The following RGSL1 variants were observed in gnomAD, a reference collection of about 807,000 sequenced individuals.
RGSL1 encodes regulator of G protein signaling protein-like.
RGSL1 carries 97 observed loss-of-function variants against 124.7 expected under a neutral mutation model. The observed-to-expected ratio is 0.78, with a 90% CI of 0.66 to 0.92. The LOEUF is 0.92. Ranked by LOEUF, RGSL1 falls within the 40% of genes least tolerant of loss-of-function variation. The pLI, the probability that RGSL1 is intolerant of heterozygous loss-of-function variation, is 0.00. For synonymous variants in RGSL1, 424 were observed against 438.1 expected (o/e 0.97, Z 0.40); for missense variants, 1,233 against 1,288.4 (o/e 0.96, Z 0.66).
At chr1:182,468,834 C>T (rs956639870) in intron 4 of RGSL1, among the ~76,000 whole-genome samples, 3 of 151,826 alleles carry the variant, frequency 2.0e-5, no homozygotes, top group East Asian at 3.8e-4. Context: ...TATGGAAAGA[C>T]AGAGTAGAAT....
chr1:182,526,823 A>C (rs181282427), intron 10 of RGSL1, among the ~76,000 whole-genome samples: 1 of 152,320 alleles, frequency 6.6e-6, no homozygotes, highest in Admixed American at 6.5e-5. Flanking sequence ...ATAAAATTAG[A>C]ATAGAAGGGA....
At chr1:182,533,661 C>T (rs376683850) in intron 14 of RGSL1, among the ~76,000 whole-genome samples, 6 of 152,140 alleles carry the variant, frequency 3.9e-5, no homozygotes, top group South Asian at 2.1e-4. Context: ...TCCATTTTCT[C>T]ATCTATAGAA....
intron 14 of RGSL1, 38 bp from the exon 15 acceptor site, chr1:182,540,209 T>G (rs1285142599): frequency 1.3e-6 from 2 of 1,512,226 alleles, no homozygotes; most frequent in Non-Finnish European, 1.8e-6. Flanking sequence ...AGTGACTTGA[T>G]CAAACAAAAT....
chr1:182,469,145 G>A (rs947426084), intron 4 of RGSL1, among the ~76,000 whole-genome samples: 2 of 152,044 alleles, frequency 1.3e-5, no homozygotes, highest in Non-Finnish European at 1.5e-5. Context: ...AGGAAAGGAA[G>A]AAGCAACAAC....
intron 9 of RGSL1, among the ~76,000 whole-genome samples, chr1:182,515,553 A>AAAG (rs546420833): frequency 4.6e-5 from 5 of 109,012 alleles, no homozygotes; most frequent in African/African-American, 1.0e-4. Context: ...AAAAAAAAAA[A>AAAG]GGGGGGGGCG....
Position 182,540,271 on chromosome 1 carries a change from C to G in RGSL1, c.2519C>G (p.Ser840Trp). Residue 840 changes from serine to tryptophan, a missense_variant, in exon 15 of 22, where the codon TCG (serine) becomes TGG (tryptophan). Transcript: ENST00000294854. ...KENFTTAHNT[S>W]GRSAPPSTNV... ...GATTTCACCACAGCACACAACACAT[C>G]GGGACGTTCAGCTCCACCCTCCACA... 1 of 1,550,592 alleles carries G rather than the reference C, an allele frequency of 6.4e-7. No individual in the cohort carries two copies. Among genetic ancestry groups the G allele is most frequent in the Middle Eastern group, 1.7e-4 (1 of 5,984 alleles).
Position 182,551,541 on chromosome 1 carries a change from C to T in RGSL1, c.3043+332C>T, listed in dbSNP as rs1028646791. On this transcript the variant is annotated intron_variant, in intron 18 of 21. Transcript: ENST00000294854. ...CCCTGCTCTATCTCCATTAAACCCT[C>T]CCATTAAGAAAGCATTTATTTTATA... Among the ~76,000 whole-genome samples, 17 of 152,288 alleles carry T rather than the reference C, an allele frequency of 1.1e-4. No homozygotes were observed. The South Asian group carries it at 3.5e-3, about 32-fold the overall frequency.
chr1:182,480,512 G>A (rs1190512584), intron 6 of RGSL1, among the ~76,000 whole-genome samples: 5 of 150,846 alleles, frequency 3.3e-5, no homozygotes, highest in Non-Finnish European at 7.4e-5. Context: ...CTGGAGTGCA[G>A]TGGCGCAATC....
chr1:182,549,072 A>G (rs945188364), intron 17 of RGSL1: 5 of 390,912 alleles, frequency 1.3e-5, no homozygotes, highest in African/African-American at 4.1e-5. Context: ...TCCTCTTTCT[A>G]TGCTTGCTTG....
rs376572577 is a variant in RGSL1, at chr1:182,460,184, G to GTGTGTGTA, written c.301+52_301+53insGTGTGTAT. 1.3e-5 allele frequency: 16 copies of GTGTGTGTA among 1,238,704 alleles called. No individual in the cohort carries two copies. The African/African-American group carries it at 2.4e-4, about 18-fold the overall frequency. The allele number at this position is 1,238,704 out of a possible 1,614,324, so 76.7% of individuals were successfully genotyped here. ...TCTGTGTGTGTGTGTGTGTGTGTGTGTAGAAATATAGGAAGTCACACTTCA... is the reference window on the plus strand; with the variant it reads ...TCTGTGTGTGTGTGTGTGTGTGTGTGTGTGTGTATAGAAATATAGGAAGTCACACTTCA... On this transcript the variant is annotated intron_variant, in intron 4 of 21. Transcript: ENST00000294854.
At chr1:182,540,160 C>G (rs1659799285) in intron 14 of RGSL1, 87 bp from the exon 15 acceptor site, 1 of 1,288,438 alleles carries the variant, frequency 7.8e-7, no homozygotes, top group Admixed American at 3.1e-5. Flanking sequence ...GATCCACAGT[C>G]TCCTTTCTTC....
chr1:182,556,177 G>A lies in RGSL1; in HGVS notation c.*120G>A. On this transcript the variant is annotated 3_prime_UTR_variant, in exon 21 of 22. Transcript: ENST00000294854. ...ATCTTCCCCAGAAACGATCAAGAAG[G>A]GCAATGGGTTGACAGCCCAGATATG... The A allele has an allele frequency of 9.9e-7, 1 of 1,006,554 alleles. No individual in the cohort carries two copies. Among genetic ancestry groups the A allele is most frequent in the Non-Finnish European group, 1.5e-6 (1 of 681,342 alleles). The allele number at this position is 1,006,554 out of a possible 1,614,324, so 62.4% of individuals were successfully genotyped here.
intron 9 of RGSL1, among the ~76,000 whole-genome samples, chr1:182,494,147 T>C (rs1655737023): frequency 6.6e-6 from 1 of 152,180 alleles, no homozygotes; most frequent in Admixed American, 6.5e-5. Context: ...CTGCTTCACT[T>C]GTCAACCTAT....
rs1651700101 is a variant in RGSL1 at position 182,450,189 on chromosome 1, G to A, written c.13+11G>A. 13 of 1,552,128 alleles carry A rather than the reference G, an allele frequency of 8.4e-6. No homozygotes were observed. The highest frequency in any genetic ancestry group is 1.1e-5 in the Non-Finnish European group (13 of 1,147,074). ...ACATGAGCAGTGCTGGTGAGTCTCT[G>A]CCAGGGATGTCTCCAAGGCCTTGAG... On this transcript the variant is annotated intron_variant, in intron 1 of 21. Coordinates refer to ENST00000294854, the MANE Select transcript of RGSL1 (RefSeq NM_001137669.2).
intron 9 of RGSL1, among the ~76,000 whole-genome samples, chr1:182,508,290 G>GT (rs58641894): frequency 0.49 from 26,684 of 54,116 alleles, 8,021 homozygotes; most frequent in Middle Eastern, 0.54. Context: ...TGGTGGTGGT[G>GT]TTTTTTTTTT....
chr1:182,497,228 A>T (rs530678), intron 9 of RGSL1, among the ~76,000 whole-genome samples: 120,031 of 146,606 alleles, frequency 0.82, 49,491 homozygotes, highest in Non-Finnish European at 0.87. Flanking sequence ...AAGAGATAGA[A>T]AGATAGATAG....
chr1:182,530,941 T>C (rs1359399472), intron 13 of RGSL1, 31 bp downstream of exon 13: 2 of 1,534,500 alleles, frequency 1.3e-6, no homozygotes, highest in African/African-American at 2.8e-5. Flanking sequence ...AACAAGACAT[T>C]AGAGACAAGA....
intron 10 of RGSL1, 104 bp downstream of exon 10, chr1:182,522,213 ACC>A: frequency 1.3e-6 from 1 of 766,916 alleles, no homozygotes; most frequent in East Asian, 2.7e-5. Flanking sequence ...AGGTTTTCAG[ACC>A]CTTTTCCATA....
rs969846431 is a variant in RGSL1 at position 182,473,887 on chromosome 1, T to G, written c.776T>G (p.Val259Gly). ...RKAKRKMWQL[V>G]DPDSWSLEMD... ...GCCAAGAGGAAGATGTGGCAATTGG[T>G]AGATCCTGACTCTTGGTCTCTGGAA... The change falls in exon 6 of 22, where the codon GTA becomes GGA. Residue 259 changes from valine to glycine, a missense_variant. Val to Gly is a moderately radical substitution (Grantham distance 109). Coordinates refer to ENST00000294854, the MANE Select transcript of RGSL1 (RefSeq NM_001137669.2). 6.4e-7 allele frequency: 1 copy of G among 1,551,760 alleles called. No individual in the cohort carries two copies. Among genetic ancestry groups the G allele is most frequent in the African/African-American group, 1.4e-5 (1 of 73,042 alleles).
Sources: allele counts gnomAD v4.1 joint callset (sites outside exome capture counted in the v4.1 genomes callset), GRCh38; gene constraint gnomAD v4.1.1; transcripts MANE v1.5; gene names NCBI Gene and HGNC (gene_info 2026-07-23, HGNC 2026-07-21).